Variants in KLHL29 observed in about 807,000 individuals in gnomAD.
KLHL29 encodes the protein kelch like family member 29.
In KLHL29, 21 loss-of-function variants were observed where a neutral mutation model predicts 80.4. The ratio of observed to expected loss-of-function variants is 0.26; its 90% CI spans 0.19 to 0.38. KLHL29 has a LOEUF of 0.38. Ranked by LOEUF, KLHL29 falls within the 10% of genes least tolerant of loss-of-function variation. The pLI, the probability that KLHL29 is intolerant of heterozygous loss-of-function variation, is 1.00. For missense variants in KLHL29, 867 were observed against 1,223.9 expected (o/e 0.71, Z 4.35); for synonymous variants, 511 against 526.8 (o/e 0.97, Z 0.41).
At chr2:23,656,932 GAAAAAAAAAAA>G (rs58320389) in intron 5 of KLHL29, among the ~76,000 whole-genome samples, 1 of 110,100 alleles carries the variant, frequency 9.1e-6, no homozygotes, top group African/African-American at 3.4e-5. Flanking sequence ...TCCCCAACAG[GAAAAAAAAAAA>G]AAAAAAAAAC....
At chr2:23,484,434 C>G (rs1216803250) in intron 2 of KLHL29, among the ~76,000 whole-genome samples, 1 of 152,234 alleles carries the variant, frequency 6.6e-6, no homozygotes, top group Non-Finnish European at 1.5e-5. Context: ...AAGCACATTT[C>G]TGCTTTTACA....
intron 2 of KLHL29, among the ~76,000 whole-genome samples, chr2:23,499,217 G>A (rs1181005164): frequency 6.6e-5 from 10 of 152,110 alleles, no homozygotes; most frequent in Non-Finnish European, 1.2e-4. Context: ...ATTTCTGGCT[G>A]CTCAGGGCTC....
intron 1 of KLHL29, among the ~76,000 whole-genome samples, chr2:23,430,940 A>G (rs1245181645): frequency 6.6e-6 from 1 of 152,226 alleles, no homozygotes; most frequent in African/African-American, 2.4e-5. Flanking sequence ...TAGACCTTAC[A>G]GTTGGTTTAC....
chr2:23,394,640 A>C (rs1019634341), intron 1 of KLHL29, among the ~76,000 whole-genome samples: 5 of 152,242 alleles, frequency 3.3e-5, no homozygotes, highest in Non-Finnish European at 7.3e-5. Context: ...TGCTTATTTG[A>C]ATAAAAAAAT....
At chr2:23,433,217 C>T (rs1663233708) in intron 1 of KLHL29, among the ~76,000 whole-genome samples, 1 of 146,648 alleles carries the variant, frequency 6.8e-6, no homozygotes, top group Non-Finnish European at 1.5e-5. Context: ...GGGTCTCCAC[C>T]AGCAAAAGAG....
At chr2:23,649,498 G>A (rs572107355) in intron 5 of KLHL29, among the ~76,000 whole-genome samples, 85 of 152,288 alleles carry the variant, frequency 5.6e-4, no homozygotes, top group Non-Finnish European at 1.1e-3. Flanking sequence ...CGCAGAGGCC[G>A]CTGGACCACC....
chr2:23,578,551 T>A lies in KLHL29; in HGVS notation c.285+16070T>A, dbSNP rs559524242. On this transcript the variant is annotated intron_variant, in intron 3 of 13. Coordinates refer to ENST00000486442, the MANE Select transcript of KLHL29 (RefSeq NM_052920.2). ...TCTGTTATTATTACCATCGTCTTCA[T>A]TGTGTGACCTCCTCCTCTCTGCCTG... Among the ~76,000 whole-genome samples the A allele has an allele frequency of 2.0e-5, 3 of 152,326 alleles. No individual in the cohort carries two copies. In the East Asian group the frequency reaches 5.8e-4, roughly 29 times the overall value.
intron 2 of KLHL29, among the ~76,000 whole-genome samples, chr2:23,496,703 CT>C (rs1275493533): frequency 6.6e-6 from 1 of 152,242 alleles, no homozygotes; most frequent in African/African-American, 2.4e-5. Context: ...GCTGTCTCTG[CT>C]TTGGAAATTT....
intron 2 of KLHL29, among the ~76,000 whole-genome samples, chr2:23,549,766 G>A (rs1558384040): frequency 6.6e-6 from 1 of 152,186 alleles, no homozygotes; most frequent in African/African-American, 2.4e-5. Flanking sequence ...CCAAAGTCAA[G>A]GCCCCGGAGA....
At chr2:23,576,295 ACT>A (rs1438938379) in intron 3 of KLHL29, among the ~76,000 whole-genome samples, 10 of 104,384 alleles carry the variant, frequency 9.6e-5, no homozygotes, top group Non-Finnish European at 1.6e-4. Flanking sequence ...ACAGAGCAAG[ACT>A]CTATCTCAAA....
intron 3 of KLHL29, among the ~76,000 whole-genome samples, chr2:23,634,058 G>A (rs563813938): frequency 2.6e-5 from 4 of 152,252 alleles, no homozygotes; most frequent in African/African-American, 4.8e-5. Context: ...ACGGCTCCCT[G>A]GTGTAGGTGT....
intron 3 of KLHL29, among the ~76,000 whole-genome samples, chr2:23,611,030 T>C (rs1668858819): frequency 6.6e-6 from 1 of 152,128 alleles, no homozygotes; most frequent in African/African-American, 2.4e-5. Context: ...ATCTAGTATG[T>C]TAGATGGTAA....
At chr2:23,683,665 TG>T (rs372226909) in intron 5 of KLHL29, among the ~76,000 whole-genome samples, 1 of 152,176 alleles carries the variant, frequency 6.6e-6, no homozygotes. Context: ...GGCCACTTCC[TG>T]GGATCTGCCG....
chr2:23,694,351 C>G (rs1417427763), intron 8 of KLHL29, among the ~76,000 whole-genome samples: 1 of 152,208 alleles, frequency 6.6e-6, no homozygotes, highest in African/African-American at 2.4e-5. Flanking sequence ...AGTGGATCGA[C>G]TTCCCTCTCC....
chr2:23,520,947 C>T (rs1053958224), intron 2 of KLHL29, among the ~76,000 whole-genome samples: 2 of 152,118 alleles, frequency 1.3e-5, no homozygotes, highest in Admixed American at 6.5e-5. Flanking sequence ...TGTCTTCTTT[C>T]CTCCATATAC....
At position 23,412,134 on chromosome 2, in the gene KLHL29, G is replaced by A. The variant is rs59743602; in HGVS notation, c.-154+26354G>A. ...TGTGTGTGCGTGAAGGGGGGGGGGG[G>A]GCGGTGCGGTAGAGGTAGGATGGAA... On this transcript the variant is annotated intron_variant, in intron 1 of 13. Coordinates refer to ENST00000486442, the MANE Select transcript of KLHL29 (RefSeq NM_052920.2). Among the ~76,000 whole-genome samples the A allele has an allele frequency of 2.2e-4, 31 of 140,566 alleles. No homozygotes were observed. The South Asian group carries it at 3.7e-3, about 17-fold the overall frequency. 92.2% of individuals were successfully genotyped at this position (140,566 alleles called of 152,430 possible). A position where few individuals can be genotyped will look rare whatever the true frequency, so the allele number is the denominator to read the frequency against.
Position 23,696,314 on chromosome 2 carries a change from C to T in KLHL29, c.1925-19C>T, listed in dbSNP as rs1482343808. The T allele has an allele frequency of 1.9e-6, 3 of 1,550,742 alleles. No homozygotes were observed. The highest frequency in any genetic ancestry group is 2.6e-6 in the Non-Finnish European group (3 of 1,146,506). On this transcript the variant is annotated intron_variant, in intron 10 of 13. Transcript: ENST00000486442. This position sits in a 1 kb window ranked among gnomAD's most constrained non-coding sequence, Gnocchi z 5.5. ...CTCCTCACCCCGCCCGCTCTCTCTG[C>T]CTCCCACACTGCCTCCAGGTGGGAT... is the stretch of plus-strand genomic sequence containing the variant.
intron 1 of KLHL29, among the ~76,000 whole-genome samples, chr2:23,432,747 G>A (rs1435853049): frequency 2.0e-5 from 3 of 152,244 alleles, no homozygotes; most frequent in African/African-American, 7.2e-5. Context: ...GCTGAGGCAG[G>A]AGGGGCTGGT....
chr2:23,640,101 G>A (rs911128060), intron 4 of KLHL29, among the ~76,000 whole-genome samples: 4 of 152,122 alleles, frequency 2.6e-5, no homozygotes, highest in Non-Finnish European at 5.9e-5. Context: ...CAGCAGCTAC[G>A]GTTACCCCTG....
Sources: gnomAD v4.1 joint callset for allele counts (sites outside exome capture counted in the v4.1 genomes callset) on GRCh38, gnomAD v4.1.1 for gene constraint, Gnocchi (gnomAD v3.1) non-coding constraint, MANE v1.5 for transcripts, NCBI Gene and HGNC (gene_info 2026-07-23, HGNC 2026-07-21) for gene names.